The following NIPSNAP2 variants were observed in gnomAD, a reference collection of about 807,000 sequenced individuals.
NIPSNAP2 encodes nipsnap homolog 2.
In NIPSNAP2, 42 loss-of-function variants were observed where a neutral mutation model predicts 48.4. The observed-to-expected ratio is 0.87, with a 90% CI of 0.68 to 1.12. The LOEUF (loss-of-function observed/expected upper bound fraction) is 1.12. NIPSNAP2 is among the 50% of genes most tolerant of loss of function. NIPSNAP2 has a pLI of 0.00. For synonymous variants in NIPSNAP2, 158 were observed against 126.6 expected, an observed-to-expected ratio of 1.25 and a Z score of -1.67; for missense variants, 314 against 347.3, an observed-to-expected ratio of 0.90 and a Z score of 0.76.
intron 3 of NIPSNAP2, chr7:55,980,446 C>T (rs936008559): frequency 3.3e-5 from 5 of 152,312 alleles, no homozygotes; most frequent in Non-Finnish European, 7.3e-5. Flanking sequence ...GTGGTGATCA[C>T]TAGCTAAATA....
chr7:55,989,588 C>T (rs1462438595), intron 7 of NIPSNAP2, among the ~76,000 whole-genome samples: 2 of 151,978 alleles, frequency 1.3e-5, no homozygotes, highest in Non-Finnish European at 2.9e-5. Context: ...TCATGCCATT[C>T]CACTCCAGCC....
chr7:55,969,984 A>G (rs1394743639), intron 1 of NIPSNAP2, among the ~76,000 whole-genome samples: 1 of 143,762 alleles, frequency 7.0e-6, no homozygotes, highest in Non-Finnish European at 1.5e-5. Flanking sequence ...CTCTGTCTCA[A>G]AAAAAAAAAA....
chr7:55,994,875 C>T lies in NIPSNAP2; in HGVS notation c.618-19C>T, dbSNP rs1365887845. The stretch of plus-strand genomic sequence containing the variant: ...TATCTAATTCAGTGTCTTAAACAAA[C>T]ATCATCTCATTCTTACAGGGCTCGT... On this transcript the variant is annotated intron_variant, in intron 7 of 9. Coordinates refer to ENST00000322090, the MANE Select transcript of NIPSNAP2 (RefSeq NM_001483.3). 6.2e-7 allele frequency: 1 copy of T among 1,606,920 alleles called. No homozygotes were observed. The highest frequency in any genetic ancestry group is 1.1e-5 in the South Asian group (1 of 90,918).
rs1467539626 is a variant in NIPSNAP2, at chr7:55,999,985, A to AT, written c.*919dup. 6.6e-6 allele frequency: 1 copy of AT among 152,546 alleles called. No homozygotes were observed. The highest frequency in any genetic ancestry group is 1.5e-5 in the Non-Finnish European group (1 of 68,020). 9.4% of individuals were successfully genotyped at this position (152,546 alleles called of 1,614,324 possible). On this transcript the variant is annotated 3_prime_UTR_variant, in exon 10 of 10. Coordinates refer to ENST00000322090, the MANE Select transcript of NIPSNAP2 (RefSeq NM_001483.3). ...ACTTTTTGTCTAGCTGTTTGATTTC[A>AT]TTTTTTAATATAGTATGCCAATTTT...
At chr7:55,997,969 C>G (rs149509554) in intron 9 of NIPSNAP2, among the ~76,000 whole-genome samples, 1 of 152,122 alleles carries the variant, frequency 6.6e-6, no homozygotes, top group African/African-American at 2.4e-5. Context: ...AAACAGTTGG[C>G]TGAATGTAAC....
intron 7 of NIPSNAP2, among the ~76,000 whole-genome samples, chr7:55,990,860 T>C (rs1787429750): frequency 6.6e-6 from 1 of 151,448 alleles, no homozygotes; most frequent in Non-Finnish European, 1.5e-5. Flanking sequence ...CAGTCTCGGC[T>C]CACTCCAATC....
chr7:55,976,319 A>G (rs570511483), intron 1 of NIPSNAP2, among the ~76,000 whole-genome samples: 179 of 152,312 alleles, frequency 1.2e-3, no homozygotes, highest in Middle Eastern at 6.8e-3. Flanking sequence ...GTATTTCCTA[A>G]TTTACGTGAC....
chr7:55,973,715 C>T (rs1787055742), intron 1 of NIPSNAP2, among the ~76,000 whole-genome samples: 1 of 151,760 alleles, frequency 6.6e-6, no homozygotes. Context: ...AACTCCTGAC[C>T]TCAGGTGATC....
chr7:55,985,788 C>T (rs1383282875), intron 7 of NIPSNAP2, among the ~76,000 whole-genome samples: 3 of 150,824 alleles, frequency 2.0e-5, no homozygotes, highest in African/African-American at 7.3e-5. Flanking sequence ...TGGCTCACAC[C>T]TGTAATCTCA....
chr7:55,975,111 A>C lies in NIPSNAP2; in HGVS notation c.93-3015A>C, dbSNP rs1330284381. On this transcript the variant is annotated intron_variant, in intron 1 of 9. Coordinates refer to ENST00000322090, the MANE Select transcript of NIPSNAP2 (RefSeq NM_001483.3). ...CTCATGCTCGAAATCTCAACACTTCAGGAGGCCAAGGCAGGAGGATCGCTT... is the reference window on the plus strand; with the variant it reads ...CTCATGCTCGAAATCTCAACACTTCCGGAGGCCAAGGCAGGAGGATCGCTT... Among the ~76,000 whole-genome samples the C allele has an allele frequency of 2.6e-5, 4 of 151,740 alleles. No homozygotes were observed. The East Asian group carries it at 7.8e-4, about 30-fold the overall frequency.
chr7:55,988,813 C>T (rs896074393), intron 7 of NIPSNAP2, among the ~76,000 whole-genome samples: 14 of 151,726 alleles, frequency 9.2e-5, no homozygotes, highest in Non-Finnish European at 1.6e-4. Context: ...TGCAGTGAGC[C>T]AAGGTCACGC....
At chr7:55,996,484 A>G (rs1014977474) in intron 8 of NIPSNAP2, among the ~76,000 whole-genome samples, 2 of 151,684 alleles carry the variant, frequency 1.3e-5, no homozygotes, top group Admixed American at 6.6e-5. Flanking sequence ...CTGCTCCCCT[A>G]TACACTGTGT....
chr7:55,998,473 C>T (rs1787611525), intron 9 of NIPSNAP2, among the ~76,000 whole-genome samples: 1 of 138,766 alleles, frequency 7.2e-6, no homozygotes, highest in African/African-American at 2.6e-5. Flanking sequence ...ACAAATAAAA[C>T]AAATATCCAG....
At chr7:55,969,347 C>G (rs570352897) in intron 1 of NIPSNAP2, among the ~76,000 whole-genome samples, 50 of 151,046 alleles carry the variant, frequency 3.3e-4, no homozygotes, top group African/African-American at 1.2e-3. Context: ...TCCCCCGGGT[C>G]TGTGCTTCCA....
intron 5 of NIPSNAP2, 53 bp downstream of exon 5, chr7:55,982,333 C>T (rs1025617276): frequency 4.8e-6 from 5 of 1,049,340 alleles, no homozygotes; most frequent in African/African-American, 1.6e-5. Context: ...GATGTTAGTA[C>T]AGAATTAAAT....
chr7:55,994,052 G>A (rs1021629287), intron 7 of NIPSNAP2, among the ~76,000 whole-genome samples: 4 of 152,158 alleles, frequency 2.6e-5, no homozygotes, highest in Non-Finnish European at 4.4e-5. Context: ...GTAGTTCAGA[G>A]AGCAGGGGTG....
chr7:55,967,671 CAG>C (rs1786925315), intron 1 of NIPSNAP2, among the ~76,000 whole-genome samples: 2 of 121,628 alleles, frequency 1.6e-5, no homozygotes, highest in South Asian at 4.9e-4. Flanking sequence ...TTATTTGAGA[CAG>C]AGTGTCACTC....
At chr7:55,965,673 CG>C (rs1475784723) in intron 1 of NIPSNAP2, among the ~76,000 whole-genome samples, 1 of 152,028 alleles carries the variant, frequency 6.6e-6, no homozygotes, top group African/African-American at 2.4e-5. Context: ...CTCCGCCTCC[CG>C]GGTTCAAGTA....
Position 55,987,006 on chromosome 7 carries a change from A to AC in NIPSNAP2, c.617+2128_617+2129insC, listed in dbSNP as rs55964240. Among the ~76,000 whole-genome samples the AC allele has an allele frequency of 1.4e-3, 191 of 137,168 alleles. 8 individuals are homozygous for AC. The highest frequency in any genetic ancestry group is 4.7e-3 in the South Asian group (20 of 4,218). 90.0% of individuals were successfully genotyped at this position (137,168 alleles called of 152,430 possible). On this transcript the variant is annotated intron_variant, in intron 7 of 9. Transcript: ENST00000322090. ...TATAAAAAAAAAAAAAAAAAAAAAA[A>AC]AAAACTTGCCAGGCGTGGTGGTGGC...
Sources: gnomAD v4.1 joint callset for allele counts (sites outside exome capture counted in the v4.1 genomes callset) on GRCh38, gnomAD v4.1.1 for gene constraint, MANE v1.5 for transcripts, NCBI Gene and HGNC (gene_info 2026-07-23, HGNC 2026-07-21) for gene names.